Variants in PSG5 observed in about 807,000 individuals in gnomAD.
PSG5 encodes the protein pregnancy-specific beta-1-glycoprotein 5.
PSG5 carries 53 observed loss-of-function variants against 37.7 expected under a neutral mutation model. That is an observed-to-expected ratio of 1.41 (90% confidence interval 1.13 to 1.77). The LOEUF (loss-of-function observed/expected upper bound fraction) is 1.77. Ranked by LOEUF, PSG5 falls within the 40% of genes most tolerant of loss-of-function variation. PSG5 has a pLI of 0.00. For missense variants in PSG5, 547 were observed against 405.2 expected (o/e 1.35, Z -3.00); for synonymous variants, 221 against 155.4 (o/e 1.42, Z -3.14).
chr19:43,179,044 T>G, intron 2 of PSG5: 1 of 1,612,758 alleles, frequency 6.2e-7, no homozygotes, highest in Non-Finnish European at 8.5e-7. Context: ...TGACCATTCA[T>G]CCACCACAGG....
chr19:43,179,898 G>A (rs1969092082), intron 2 of PSG5, among the ~76,000 whole-genome samples: 1 of 151,788 alleles, frequency 6.6e-6, no homozygotes, highest in African/African-American at 2.4e-5. Flanking sequence ...GGTCCATGAT[G>A]CTTCCTTCCC....
At chr19:43,177,493 A>C (rs1393979084) in intron 2 of PSG5, among the ~76,000 whole-genome samples, 1 of 151,078 alleles carries the variant, frequency 6.6e-6, no homozygotes, top group Non-Finnish European at 1.5e-5. Flanking sequence ...TGATAAGCCA[A>C]ATATATTCCT....
In PSG5 at chr19:43,169,738, T is replaced by A. The variant is rs746266053; in HGVS notation, c.*40+317A>T. Among the ~76,000 whole-genome samples, 6 of 151,654 alleles carry A rather than the reference T, an allele frequency of 4.0e-5. 2 individuals carry two copies. The highest frequency in any genetic ancestry group is 4.4e-5 in the Non-Finnish European group (3 of 67,906). Reference sequence around the variant, plus strand: ...TACTTTGAGAAGTGGTTGAGCTTTATGGGAGTGTAGAGAATTACACTATTG... The same window carrying A: ...TACTTTGAGAAGTGGTTGAGCTTTAAGGGAGTGTAGAGAATTACACTATTG... On this transcript the variant is annotated intron_variant, in intron 5 of 5. Coordinates refer to ENST00000342951, the MANE Select transcript of PSG5 (RefSeq NM_002781.4).
At position 43,173,840 on chromosome 19, in the gene PSG5, A is replaced by G. The variant is rs147895119; in HGVS notation, c.964+1375T>C. On this transcript the variant is annotated intron_variant, in intron 4 of 5. Transcript: ENST00000342951. ...TCAAAAAATTAAACAATAACTTACC[A>G]TTTGATCCAGCAATTCCACTTCTGG... Among the ~76,000 whole-genome samples, 802 of 151,702 alleles carry G rather than the reference A, an allele frequency of 5.3e-3. 39 individuals are homozygous for G. The East Asian group carries it at 0.1, about 19-fold the overall frequency.
chr19:43,168,250 A>G (rs1290649865), intron 5 of PSG5, 47 bp from the exon 6 acceptor site: 3 of 387,160 alleles, frequency 7.7e-6, no homozygotes, highest in Non-Finnish European at 1.4e-5. Flanking sequence ...AAATCTAATG[A>G]GAATTTATTA....
intron 5 of PSG5, 49 bp downstream of exon 5, chr19:43,170,006 A>C (rs1338281782): frequency 1.7e-6 from 2 of 1,201,306 alleles, no homozygotes; most frequent in Admixed American, 1.8e-5. Context: ...TCTCCCAAGC[A>C]TGGCAGTCAG....
At chr19:43,169,211 A>T (rs565869256) in intron 5 of PSG5, among the ~76,000 whole-genome samples, 1 of 151,620 alleles carries the variant, frequency 6.6e-6, no homozygotes, top group South Asian at 2.1e-4. Context: ...CTTAGGCTTT[A>T]TGTCTCCTGG....
chr19:43,183,177 C>A, intron 2 of PSG5: 2 of 244,412 alleles, frequency 8.2e-6, no homozygotes, highest in Non-Finnish European at 1.6e-5. Context: ...GACCAGCTGC[C>A]CCCAGTTCCA....
At chr19:43,181,869 C>A (rs1389009153) in intron 2 of PSG5, among the ~76,000 whole-genome samples, 1 of 151,672 alleles carries the variant, frequency 6.6e-6, no homozygotes, top group East Asian at 1.9e-4. Flanking sequence ...AGCCAGAAGT[C>A]TCTAAGAAGT....
At chr19:43,169,374 C>T (rs2355424) in intron 5 of PSG5, among the ~76,000 whole-genome samples, 102,331 of 151,202 alleles carry the variant, frequency 0.68, 36,013 homozygotes, top group East Asian at 0.99. Context: ...CAGATGTTGC[C>T]TGTGATGAAG....
intron 2 of PSG5, 52 bp downstream of exon 2, chr19:43,184,730 G>A: frequency 6.2e-7 from 1 of 1,604,556 alleles, no homozygotes; most frequent in East Asian, 2.2e-5. Flanking sequence ...TGTGTGTGAA[G>A]TAGAAATGAC....
intron 2 of PSG5, among the ~76,000 whole-genome samples, chr19:43,182,683 A>T (rs2122236453): frequency 7.9e-6 from 1 of 126,604 alleles, no homozygotes; most frequent in East Asian, 2.7e-4. Flanking sequence ...ATCTTTCTTG[A>T]CTAGAAACCA....
intron 2 of PSG5, chr19:43,183,567 G>T (rs376599019): frequency 8.3e-6 from 4 of 479,062 alleles, no homozygotes; most frequent in African/African-American, 2.0e-5. Flanking sequence ...TCAGTGATGG[G>T]GGTTAAGATC....
chr19:43,180,727 G>A (rs1230262955), intron 2 of PSG5: 1 of 151,582 alleles, frequency 6.6e-6, no homozygotes, highest in Non-Finnish European at 1.5e-5. Context: ...AGGTTTAGGT[G>A]TGCCGTGAAT....
In PSG5 at chr19:43,180,725, G is replaced by T. The variant is rs566667644; in HGVS notation, c.430+4057C>A. ...CTCTTGAGACCAAAATAAGGTTTAG[G>T]TGTGCCGTGAATTCCAGCAGGATCA... is the stretch of plus-strand genomic sequence containing the variant. On this transcript the variant is annotated intron_variant, in intron 2 of 5. Transcript: ENST00000342951. 1.2e-4 allele frequency: 18 copies of T among 151,644 alleles called. 1 individual carries two copies. In the Admixed American group the frequency reaches 1.2e-3, roughly 10 times the overall value. 9.4% of individuals were successfully genotyped at this position (151,644 alleles called of 1,614,324 possible). A position where few individuals can be genotyped will look rare whatever the true frequency, so the allele number is the denominator to read the frequency against.
At chr19:43,185,183 C>G in intron 1 of PSG5, 36 bp from the exon 2 acceptor site, 1 of 1,567,106 alleles carries the variant, frequency 6.4e-7, no homozygotes. Context: ...AATATTGAGA[C>G]CTGTGTATTG....
chr19:43,169,873 T>C (rs976986524), intron 5 of PSG5, 182 bp downstream of exon 5: 20 of 403,270 alleles, frequency 5.0e-5, no homozygotes, highest in Non-Finnish European at 7.7e-5. Flanking sequence ...TAAAAGACAG[T>C]GGGGTACAGG....
intron 2 of PSG5, among the ~76,000 whole-genome samples, chr19:43,179,821 C>G (rs1309109854): frequency 6.6e-6 from 1 of 151,674 alleles, no homozygotes; most frequent in Non-Finnish European, 1.5e-5. Flanking sequence ...AAGGAATGAC[C>G]TACAAAGAGT....
rs542614323 is a variant in PSG5 at position 43,173,287 on chromosome 19, A to G, written c.964+1928T>C. Among the ~76,000 whole-genome samples, 36 of 151,746 alleles carry G rather than the reference A, an allele frequency of 2.4e-4. 1 individual carries two copies. Among genetic ancestry groups the G allele is most frequent in the Non-Finnish European group, 4.7e-4 (32 of 67,922 alleles). ...ACTCTTAGAAGAAAAGCTTCATGAT[A>G]CTGGATTTCACAATGATTTCTTGGT... On this transcript the variant is annotated intron_variant, in intron 4 of 5. Coordinates refer to ENST00000342951, the MANE Select transcript of PSG5 (RefSeq NM_002781.4).
Sources: gnomAD v4.1 joint callset for allele counts (sites outside exome capture counted in the v4.1 genomes callset) on GRCh38, gnomAD v4.1.1 for gene constraint, MANE v1.5 for transcripts, NCBI Gene and HGNC (gene_info 2026-07-23, HGNC 2026-07-21) for gene names.